The following RPSA2 variants were observed in gnomAD, a reference collection of about 807,000 sequenced individuals.
RPSA2 encodes the protein ribosomal protein SA 2.
the RPSA2 span, among the ~76,000 whole-genome samples, chr19:23,841,573 G>A: frequency 6.6e-6 from 1 of 152,236 alleles, no homozygotes; most frequent in Non-Finnish European, 1.5e-5. Flanking sequence ...CACGCCAAGT[G>A]TCAGGTTCCA....
chr19:23,847,973 G>A, the RPSA2 span, among the ~76,000 whole-genome samples: 124 of 152,232 alleles, frequency 8.1e-4, 2 homozygotes, highest in Middle Eastern at 6.8e-3. Context: ...AGACCTTATG[G>A]TTGTCTTCCC....
the RPSA2 span, chr19:23,833,096 G>A: frequency 3.1e-5 from 39 of 1,267,092 alleles, no homozygotes; most frequent in African/African-American, 5.7e-4. Context: ...CTGTCTTCAA[G>A]CTTTACTAAA....
At chr19:23,825,738 C>G in the RPSA2 span, among the ~76,000 whole-genome samples, 100 of 152,162 alleles carry the variant, frequency 6.6e-4, no homozygotes, top group African/African-American at 2.1e-3. Flanking sequence ...AGGCATGTGC[C>G]AACATGCCTG....
chr19:23,784,783 A>T, the RPSA2 span, among the ~76,000 whole-genome samples: 9 of 152,312 alleles, frequency 5.9e-5, no homozygotes, highest in South Asian at 2.1e-4. Context: ...TGAGTCTCAT[A>T]TATGGGCCTG....
the RPSA2 span, among the ~76,000 whole-genome samples, chr19:23,806,001 G>GTCTGTCAATCTA: frequency 5.6e-3 from 750 of 132,784 alleles, 10 homozygotes; most frequent in African/African-American, 0.02. Context: ...CTATCTGTCT[G>GTCTGTCAATCTA]TCTATCTATC....
chr19:23,841,049 T>A, the RPSA2 span, among the ~76,000 whole-genome samples: 1 of 150,696 alleles, frequency 6.6e-6, no homozygotes, highest in African/African-American at 2.4e-5. Flanking sequence ...TATGATTAGA[T>A]TCAGATTATG....
chr19:23,857,765 G>T, the RPSA2 span, among the ~76,000 whole-genome samples: 2 of 152,034 alleles, frequency 1.3e-5, no homozygotes, highest in African/African-American at 4.8e-5. Context: ...AAAGTGCTGG[G>T]ATTGCAGGAG....
chr19:23,808,298 C>A, the RPSA2 span, among the ~76,000 whole-genome samples: 137,797 of 140,934 alleles, frequency 0.98, 67,464 homozygotes, highest in Middle Eastern at 1. Flanking sequence ...GAGATGGAGT[C>A]TTGCTCTGTC....
At chr19:23,767,213 G>T in the RPSA2 span, among the ~76,000 whole-genome samples, 2 of 152,056 alleles carry the variant, frequency 1.3e-5, no homozygotes, top group African/African-American at 4.8e-5. Flanking sequence ...AAGATTTGGG[G>T]TTACAGGCGT....
At chr19:23,847,145 T>C in the RPSA2 span, among the ~76,000 whole-genome samples, 12 of 152,212 alleles carry the variant, frequency 7.9e-5, no homozygotes, top group African/African-American at 2.9e-4. Flanking sequence ...CAGTCTATTA[T>C]TGAATTTTTG....
chr19:23,834,237 A>C, the RPSA2 span, among the ~76,000 whole-genome samples: 7 of 152,068 alleles, frequency 4.6e-5, no homozygotes, highest in Non-Finnish European at 8.8e-5. Flanking sequence ...TTATAATTAC[A>C]TTCAAATTAT....
the RPSA2 span, among the ~76,000 whole-genome samples, chr19:23,765,899 C>G: frequency 1.3e-5 from 2 of 152,106 alleles, no homozygotes; most frequent in South Asian, 4.2e-4. Flanking sequence ...ACATACCTGC[C>G]GTGTAGGAGT....
At chr19:23,821,526 A>G in the RPSA2 span, among the ~76,000 whole-genome samples, 1 of 152,116 alleles carries the variant, frequency 6.6e-6, no homozygotes, top group Admixed American at 6.5e-5. Flanking sequence ...TAATGTGACC[A>G]TGGGCTCCTG....
chr19:23,805,121 GCACACACACA>G, the RPSA2 span, among the ~76,000 whole-genome samples: 67 of 149,682 alleles, frequency 4.5e-4, no homozygotes, highest in African/African-American at 1.6e-3. Flanking sequence ...AAAATAAAAA[GCACACACACA>G]CACACACACA....
the RPSA2 span, among the ~76,000 whole-genome samples, chr19:23,860,372 T>A: frequency 2.0e-5 from 3 of 152,210 alleles, no homozygotes; most frequent in African/African-American, 7.2e-5. Context: ...TTGGTTTAAA[T>A]GTATATTTCT....
At chr19:23,762,712 C>T in the RPSA2 span, among the ~76,000 whole-genome samples, 14 of 148,554 alleles carry the variant, frequency 9.4e-5, no homozygotes, top group Non-Finnish European at 2.1e-4. Flanking sequence ...TTCTTTCTTA[C>T]CCTTAAGTAG....
chr19:23,762,342 T>A, the RPSA2 span, among the ~76,000 whole-genome samples: 2 of 151,898 alleles, frequency 1.3e-5, no homozygotes, highest in Non-Finnish European at 2.9e-5. Flanking sequence ...CGCTCAGGGA[T>A]GGGATGAAGG....
chr19:23,764,873 T>G, the RPSA2 span, among the ~76,000 whole-genome samples: 16 of 152,112 alleles, frequency 1.1e-4, no homozygotes, highest in Non-Finnish European at 2.4e-4. Flanking sequence ...AGTACGTCTT[T>G]GGGTTGAAGT....
the RPSA2 span, among the ~76,000 whole-genome samples, chr19:23,845,275 G>GT: frequency 1.8e-3 from 1 of 568 alleles, no homozygotes; most frequent in African/African-American, 3.0e-3. Flanking sequence ...TCTGATTTAT[G>GT]TTTTTTTTTT....
Sources: gnomAD v4.1 joint callset for allele counts (sites outside exome capture counted in the v4.1 genomes callset) on GRCh38, gnomAD v4.1.1 for gene constraint, MANE v1.5 for transcripts, NCBI Gene and HGNC (gene_info 2026-07-23, HGNC 2026-07-21) for gene names.